SYNPR: variants seen among roughly 807,000 people sequenced by gnomAD.
SYNPR encodes the protein synaptoporin.
A neutral mutation model predicts 32.9 loss-of-function variants in SYNPR; 23 were observed. That is an observed-to-expected ratio of 0.70 (90% CI 0.50 to 0.99). SYNPR has a LOEUF of 0.99. SYNPR is among the 50% of genes least tolerant of loss of function. The pLI, the probability that SYNPR is intolerant of heterozygous loss-of-function variation, is 0.00. For synonymous variants in SYNPR, 146 were observed against 135.9 expected (o/e 1.07, Z -0.52); for missense variants, 318 against 349.3 (o/e 0.91, Z 0.71).
intron 1 of SYNPR, among the ~76,000 whole-genome samples, chr3:63,247,442 G>A (rs976304319): frequency 6.6e-6 from 1 of 151,990 alleles, no homozygotes; most frequent in Non-Finnish European, 1.5e-5. Flanking sequence ...CTTCTGGTAA[G>A]GATAAGGAAG....
At chr3:63,351,007 T>C (rs1171302457) in intron 2 of SYNPR, among the ~76,000 whole-genome samples, 2 of 152,226 alleles carry the variant, frequency 1.3e-5, no homozygotes, top group Admixed American at 1.3e-4. Flanking sequence ...CTCTTGACTG[T>C]GTGCCCCTTA....
At chr3:63,358,941 C>T (rs1448366190) in intron 2 of SYNPR, among the ~76,000 whole-genome samples, 1 of 152,176 alleles carries the variant, frequency 6.6e-6, no homozygotes, top group Admixed American at 6.5e-5. Flanking sequence ...CCGCCTCTTC[C>T]ACTTTAAAAT....
intron 3 of SYNPR, among the ~76,000 whole-genome samples, chr3:63,505,504 A>T (rs949749742): frequency 1.3e-5 from 2 of 152,182 alleles, no homozygotes; most frequent in Non-Finnish European, 2.9e-5. Flanking sequence ...TCAAAGAAGG[A>T]ATGCTTTTTG....
intron 2 of SYNPR, among the ~76,000 whole-genome samples, chr3:63,311,618 C>G (rs1357197399): frequency 6.6e-6 from 1 of 151,958 alleles, no homozygotes; most frequent in Admixed American, 6.6e-5. Flanking sequence ...AAATCGTCTT[C>G]CATGAAACCA....
intron 2 of SYNPR, among the ~76,000 whole-genome samples, chr3:63,315,276 A>G (rs993032235): frequency 1.3e-5 from 2 of 151,938 alleles, no homozygotes; most frequent in African/African-American, 4.8e-5. Flanking sequence ...GTGAAGAATG[A>G]TGGTGGTATT....
At chr3:63,527,133 GAC>G (rs1702027638) in intron 3 of SYNPR, among the ~76,000 whole-genome samples, 1 of 152,124 alleles carries the variant, frequency 6.6e-6, no homozygotes, top group African/African-American at 2.4e-5. Context: ...TAGACTGAGG[GAC>G]AGCCAGAACA....
At chr3:63,497,523 T>C (rs1355635826) in intron 3 of SYNPR, among the ~76,000 whole-genome samples, 1 of 151,736 alleles carries the variant, frequency 6.6e-6, no homozygotes, top group Non-Finnish European at 1.5e-5. Context: ...ATGGATAATA[T>C]GCCATTATAT....
At chr3:63,584,172 C>T (rs1313307233) in intron 4 of SYNPR, among the ~76,000 whole-genome samples, 1 of 152,004 alleles carries the variant, frequency 6.6e-6, no homozygotes, top group Non-Finnish European at 1.5e-5. Context: ...CAGCCTTGGC[C>T]GGCAGGAGAG....
At chr3:63,265,481 A>T (rs1183704214) in intron 2 of SYNPR, among the ~76,000 whole-genome samples, 13 of 152,006 alleles carry the variant, frequency 8.6e-5, no homozygotes, top group Admixed American at 8.5e-4. Context: ...CGAATTCCTG[A>T]CCTCAAGTGA....
At chr3:63,227,018 C>A (rs1165112080), upstream of SYNPR, among the ~76,000 whole-genome samples, 1 of 151,818 alleles carries the variant, frequency 6.6e-6, no homozygotes, top group African/African-American at 2.4e-5. Flanking sequence ...AAGAAAAAAT[C>A]AAAATAAAAT....
intron 3 of SYNPR, among the ~76,000 whole-genome samples, chr3:63,555,728 T>C (rs903192453): frequency 2.0e-5 from 3 of 152,056 alleles, no homozygotes; most frequent in African/African-American, 7.2e-5. Flanking sequence ...ATTTACTCAG[T>C]GCCTAAAAAA....
intron 4 of SYNPR, among the ~76,000 whole-genome samples, chr3:63,564,310 C>T (rs1702747308): frequency 6.6e-6 from 1 of 151,670 alleles, no homozygotes; most frequent in South Asian, 2.1e-4. Context: ...CATTCTCCTG[C>T]CTCAGCCTCC....
chr3:63,288,303 T>C lies in SYNPR; in HGVS notation c.84+9561T>C, dbSNP rs569649452. Among the ~76,000 whole-genome samples the C allele has an allele frequency of 2.0e-5, 3 of 152,324 alleles. No individual in the cohort carries two copies. The East Asian group carries it at 5.8e-4, about 29-fold the overall frequency. On this transcript the variant is annotated intron_variant, in intron 2 of 5. Transcript: ENST00000478300. ...TCAGCTGGAGCAGCGATCATGACGA[T>C]CCTTTAAGTCATTAAGAGGACAGAC...
intron 2 of SYNPR, among the ~76,000 whole-genome samples, chr3:63,444,745 G>A (rs1035316952): frequency 2.6e-5 from 4 of 151,788 alleles, no homozygotes; most frequent in African/African-American, 9.7e-5. Flanking sequence ...ACTCACACAC[G>A]CTGTGCACAC....
intron 4 of SYNPR, among the ~76,000 whole-genome samples, chr3:63,585,798 T>C (rs994329303): frequency 4.6e-5 from 7 of 152,104 alleles, no homozygotes; most frequent in African/African-American, 7.2e-5. Context: ...TAAGACAAGG[T>C]ATAAATTCTT....
chr3:63,475,324 A>G (rs1312425862), intron 2 of SYNPR, among the ~76,000 whole-genome samples: 3 of 152,192 alleles, frequency 2.0e-5, no homozygotes, highest in Non-Finnish European at 4.4e-5. Context: ...CCTGAACTCA[A>G]GGGAGGTGAA....
intron 3 of SYNPR, among the ~76,000 whole-genome samples, chr3:63,488,310 T>C (rs1701194701): frequency 6.6e-6 from 1 of 152,230 alleles, no homozygotes; most frequent in Non-Finnish European, 1.5e-5. Flanking sequence ...TCAGAAACTT[T>C]ATAACTACAG....
intron 1 of SYNPR, among the ~76,000 whole-genome samples, chr3:63,244,055 T>G (rs183790733): frequency 3.7e-4 from 56 of 152,146 alleles, no homozygotes; most frequent in African/African-American, 1.3e-3. Flanking sequence ...TAAGGAACCA[T>G]GTAGCATTAT....
intron 3 of SYNPR, among the ~76,000 whole-genome samples, chr3:63,486,366 C>T (rs2106706972): frequency 6.6e-6 from 1 of 152,326 alleles, no homozygotes; most frequent in Non-Finnish European, 1.5e-5. Flanking sequence ...AACTTTCTCA[C>T]CCCTCATGTG....
Sources: allele counts gnomAD v4.1 joint callset (sites outside exome capture counted in the v4.1 genomes callset), GRCh38; gene constraint gnomAD v4.1.1; transcripts MANE v1.5; gene names NCBI Gene and HGNC (gene_info 2026-07-23, HGNC 2026-07-21).